ARHGAP12: variants seen among roughly 807,000 people sequenced by gnomAD.
The protein encoded by ARHGAP12 is rho GTPase-activating protein 12.
A neutral mutation model predicts 108.6 loss-of-function variants in ARHGAP12; 64 were observed. The ratio of observed to expected loss-of-function variants is 0.59; its 90% CI spans 0.48 to 0.73. The LOEUF is 0.73. Ranked by LOEUF, ARHGAP12 falls within the 30% of genes least tolerant of loss-of-function variation. The probability of loss-of-function intolerance (pLI) is 0.00; values close to 1 mark genes in which losing one functional copy is unlikely to be tolerated. For missense variants in ARHGAP12, 940 were observed against 1,005.9 expected (o/e 0.93, Z 0.89); for synonymous variants, 312 against 337.2 (o/e 0.93, Z 0.82).
At chr10:31,842,914 T>G (rs868025255) in intron 7 of ARHGAP12, among the ~76,000 whole-genome samples, 19 of 152,182 alleles carry the variant, frequency 1.2e-4, no homozygotes, top group Middle Eastern at 3.4e-3. Flanking sequence ...AATTTACCCG[T>G]TTTTGAAACA....
intron 12 of ARHGAP12, 132 bp from the exon 13 acceptor site, chr10:31,818,018 G>A: frequency 1.5e-6 from 1 of 651,116 alleles, no homozygotes; most frequent in Non-Finnish European, 2.7e-6. Context: ...AATGATGCAA[G>A]GTTAAAGGAC....
intron 3 of ARHGAP12, among the ~76,000 whole-genome samples, chr10:31,883,614 T>G (rs530071005): frequency 6.6e-6 from 1 of 152,364 alleles, no homozygotes; most frequent in East Asian, 1.9e-4. Flanking sequence ...GTCTCACTTC[T>G]TGTCATTCCC....
intron 1 of ARHGAP12, among the ~76,000 whole-genome samples, chr10:31,916,586 G>C (rs1379017907): frequency 6.6e-6 from 1 of 152,162 alleles, no homozygotes. Context: ...ATCAAAAAAA[G>C]TAAACAGGTA....
chr10:31,829,603 T>C (rs1835756793), intron 10 of ARHGAP12, among the ~76,000 whole-genome samples: 1 of 150,564 alleles, frequency 6.6e-6, no homozygotes, highest in Non-Finnish European at 1.5e-5. Context: ...GTATGATTCT[T>C]TGATATTATA....
At chr10:31,926,229 C>A (rs547969189) in intron 1 of ARHGAP12, among the ~76,000 whole-genome samples, 2 of 151,822 alleles carry the variant, frequency 1.3e-5, no homozygotes, top group African/African-American at 4.8e-5. Context: ...AATTACAAAA[C>A]GAAACTGCAG....
chr10:31,868,123 T>C (rs963008865), intron 3 of ARHGAP12, among the ~76,000 whole-genome samples: 1 of 151,128 alleles, frequency 6.6e-6, no homozygotes, highest in Non-Finnish European at 1.5e-5. Flanking sequence ...ACTTGAACCC[T>C]GGGGGCGGAG....
intron 3 of ARHGAP12, among the ~76,000 whole-genome samples, chr10:31,897,724 G>C (rs551601974): frequency 1.3e-5 from 2 of 152,206 alleles, no homozygotes; most frequent in African/African-American, 4.8e-5. Flanking sequence ...ACCAAAAATT[G>C]CAAGGCATGC....
chr10:31,832,972 C>A (rs552847206), intron 9 of ARHGAP12, among the ~76,000 whole-genome samples: 1 of 151,992 alleles, frequency 6.6e-6, no homozygotes, highest in Non-Finnish European at 1.5e-5. Context: ...TCCTTAGATA[C>A]GCAAGTTTGA....
chr10:31,820,229 TAC>T (rs1056828142), intron 12 of ARHGAP12, among the ~76,000 whole-genome samples, 156 bp downstream of exon 12: 2 of 152,238 alleles, frequency 1.3e-5, no homozygotes, highest in African/African-American at 4.8e-5. Flanking sequence ...AGCCAGTTTT[TAC>T]ACCAGTTTTT....
In ARHGAP12 at chr10:31,852,497, T is replaced by G. The variant is rs1836722412; in HGVS notation, c.1170+20A>C. Reference sequence around the variant, plus strand: ...TCATCTACTATTTTTAAATAGAAATTCGGTGTCAAGGTTTATTACCTTTGG... The same window carrying G: ...TCATCTACTATTTTTAAATAGAAATGCGGTGTCAAGGTTTATTACCTTTGG... On this transcript the variant is annotated intron_variant, in intron 6 of 19. Transcript: ENST00000344936. The G allele has an allele frequency of 6.4e-7, 1 of 1,550,822 alleles. No homozygotes were observed. Among genetic ancestry groups the G allele is most frequent in the Admixed American group, 1.7e-5 (1 of 59,704 alleles).
At position 31,843,408 on chromosome 10, in the gene ARHGAP12, A is replaced by G. The variant is rs902082453; in HGVS notation, c.1296+53T>C. 3 of 1,528,812 alleles carry G rather than the reference A, an allele frequency of 2.0e-6. No homozygotes were observed. In the African/African-American group the frequency reaches 4.2e-5, roughly 22 times the overall value. The allele number at this position is 1,528,812 out of a possible 1,614,324, so 94.7% of individuals were successfully genotyped here. A position where few individuals can be genotyped will look rare whatever the true frequency, so the allele number is the denominator to read the frequency against. On this transcript the variant is annotated intron_variant, in intron 7 of 19. Transcript: ENST00000344936. Reference sequence around the variant, plus strand: ...TAAAATATTAGTACGAATAGTTACAATTCACTGTACAATATAATGCAAAGA... The same window carrying G: ...TAAAATATTAGTACGAATAGTTACAGTTCACTGTACAATATAATGCAAAGA...
intron 4 of ARHGAP12, 77 bp downstream of exon 4, chr10:31,861,318 C>A: frequency 6.7e-7 from 1 of 1,487,650 alleles, no homozygotes; most frequent in Non-Finnish European, 9.0e-7. Context: ...AGAAACAAAA[C>A]TATTTACTTC....
chr10:31,809,701 T>C (rs777206950), intron 16 of ARHGAP12: 1 of 160,076 alleles, frequency 6.2e-6, no homozygotes, highest in Non-Finnish European at 1.4e-5. Flanking sequence ...AATGCACATA[T>C]TGTAAAAACT....
chr10:31,843,358 T>C (rs1592279146), intron 7 of ARHGAP12, 103 bp downstream of exon 7: 1 of 1,263,252 alleles, frequency 7.9e-7, no homozygotes, highest in Non-Finnish European at 1.1e-6. Flanking sequence ...TCAAATGTTT[T>C]AGCAAAGAAT....
At chr10:31,853,828 G>A (rs764975976) in intron 5 of ARHGAP12, among the ~76,000 whole-genome samples, 1 of 152,106 alleles carries the variant, frequency 6.6e-6, no homozygotes, top group South Asian at 2.1e-4. Context: ...CATTCAACAG[G>A]TGTACTCTTA....
chr10:31,855,114 G>A (rs1836839583), intron 4 of ARHGAP12, among the ~76,000 whole-genome samples: 1 of 72,248 alleles, frequency 1.4e-5, no homozygotes, highest in African/African-American at 5.0e-5. Context: ...AGGGGAGGGA[G>A]AGGAAGGGAG....
chr10:31,890,677 A>C (rs1408269962), intron 3 of ARHGAP12, among the ~76,000 whole-genome samples: 1 of 152,194 alleles, frequency 6.6e-6, no homozygotes, highest in Non-Finnish European at 1.5e-5. Flanking sequence ...ATTTGGATGA[A>C]AGGGGACACT....
intron 1 of ARHGAP12, among the ~76,000 whole-genome samples, chr10:31,917,354 C>G (rs1224746791): frequency 2.0e-5 from 3 of 152,088 alleles, no homozygotes; most frequent in Non-Finnish European, 4.4e-5. Flanking sequence ...TGCAGTGAGC[C>G]AAGATCGCAC....
chr10:31,877,268 AT>A (rs1234228910), intron 3 of ARHGAP12, among the ~76,000 whole-genome samples: 3 of 152,268 alleles, frequency 2.0e-5, no homozygotes, highest in Non-Finnish European at 4.4e-5. Context: ...AAGTCTGGTT[AT>A]CCCAGCTTTC....
Sources: allele counts gnomAD v4.1 joint callset (sites outside exome capture counted in the v4.1 genomes callset), GRCh38; gene constraint gnomAD v4.1.1; transcripts MANE v1.5; gene names NCBI Gene and HGNC (gene_info 2026-07-23, HGNC 2026-07-21).